Variants in CEP120 observed in about 807,000 individuals in gnomAD.
CEP120 encodes centrosomal protein 120.
A neutral mutation model predicts 126.5 loss-of-function variants in CEP120; 113 were observed. That is an observed-to-expected ratio of 0.89 (90% CI 0.77 to 1.04). The LOEUF is 1.04. CEP120 is among the 50% of genes least tolerant of loss of function. CEP120 has a pLI of 0.00. For missense variants in CEP120, 1,230 were observed against 1,155.7 expected, an observed-to-expected ratio of 1.06 and a Z score of -0.93; for synonymous variants, 400 against 394.3, an observed-to-expected ratio of 1.01 and a Z score of -0.17.
chr5:123,369,159 G>A (rs1403092131), intron 17 of CEP120, among the ~76,000 whole-genome samples: 2 of 151,554 alleles, frequency 1.3e-5, no homozygotes, highest in Admixed American at 6.6e-5. Flanking sequence ...TTTCCTTAAT[G>A]TAAAGATCAA....
intron 7 of CEP120, 35 bp from the exon 8 acceptor site, chr5:123,390,175 A>C (rs1360385380): frequency 6.9e-7 from 1 of 1,453,428 alleles, no homozygotes; most frequent in Non-Finnish European, 9.5e-7. Context: ...ATAATTTGCA[A>C]AGAACTTTCC....
In CEP120 at chr5:123,422,960, G is replaced by A. The variant is rs1774815766; in HGVS notation, c.39C>T (p.Ser13=). 6.2e-7 allele frequency: 1 copy of A among 1,614,020 alleles called. No homozygotes were observed. Among genetic ancestry groups the A allele is most frequent in the East Asian group, 2.2e-5 (1 of 44,898 alleles). Residue 13 remains serine, a synonymous_variant, in exon 1 of 20, where the codon TCC becomes TCT. Coordinates refer to ENST00000306467, the MANE Select transcript of CEP120 (RefSeq NM_001375405.1). ...CCTCAGGCTGCTCACCTTCTAGGATGGACACGACGATGAGCAATTGGTCGG... is the reference window on the plus strand; with the variant it reads ...CCTCAGGCTGCTCACCTTCTAGGATAGACACGACGATGAGCAATTGGTCGG... ...SKSDQLLIVV[S]ILEGRHFPKR...
intron 19 of CEP120, among the ~76,000 whole-genome samples, chr5:123,347,806 G>A (rs899275039): frequency 6.6e-6 from 1 of 151,848 alleles, no homozygotes; most frequent in Non-Finnish European, 1.5e-5. Context: ...CACCACACCC[G>A]GCTAAATTTT....
intron 18 of CEP120, among the ~76,000 whole-genome samples, chr5:123,359,893 G>A (rs1352707032): frequency 2.0e-5 from 3 of 151,922 alleles, no homozygotes; most frequent in African/African-American, 7.2e-5. Flanking sequence ...TTCTGGCAAT[G>A]GGCACCAAGC....
intron 17 of CEP120, among the ~76,000 whole-genome samples, chr5:123,368,375 T>C (rs1339239831): frequency 4.6e-5 from 7 of 152,098 alleles, no homozygotes; most frequent in East Asian, 1.9e-4. Context: ...CAAATATTTC[T>C]GGTAGGCACT....
chr5:123,377,480 A>G lies in CEP120; in HGVS notation c.2252T>C (p.Leu751Pro), dbSNP rs770742339. The G allele has an allele frequency of 6.2e-7, 1 of 1,603,382 alleles. No homozygotes were observed. Residue 751 changes from leucine to proline, a missense_variant, in exon 16 of 20, where the codon CTG becomes CCG. By Grantham distance (98) the Leu-to-Pro change is moderately conservative (BLOSUM62 -3). Coordinates refer to ENST00000306467, the MANE Select transcript of CEP120 (RefSeq NM_001375405.1). ...TTTGGCCCTACGGATAGAGTCCTGC[A>G]GTTCTTGCAGGTTCCGCTGACGTTC... The part of the protein sequence containing the change: ...QSERQRNLQE[L>P]QDSIRRAKED...
At chr5:123,416,218 T>G in intron 2 of CEP120, 94 bp from the exon 3 acceptor site, 1 of 737,878 alleles carries the variant, frequency 1.4e-6, no homozygotes, top group Non-Finnish European at 2.3e-6. Context: ...TACTTATAAT[T>G]TTGTTGGATA....
chr5:123,384,907 G>T (rs1180197692), intron 11 of CEP120, 44 bp downstream of exon 11: 6 of 1,491,998 alleles, frequency 4.0e-6, no homozygotes, highest in South Asian at 1.3e-5. Flanking sequence ...ATCATTCCAT[G>T]AATTGAAAAG....
chr5:123,413,356 T>C (rs990238816), intron 3 of CEP120, among the ~76,000 whole-genome samples: 19 of 151,532 alleles, frequency 1.3e-4, no homozygotes, highest in Admixed American at 1.2e-3. Flanking sequence ...ATTAACAAAA[T>C]ACTAAAGTCA....
intron 4 of CEP120, among the ~76,000 whole-genome samples, chr5:123,400,674 T>G (rs1183615825): frequency 3.5e-5 from 5 of 144,492 alleles, no homozygotes; most frequent in African/African-American, 5.1e-5. Flanking sequence ...TTTTTTTTTT[T>G]GCAGAGCTAG....
intron 5 of CEP120, 95 bp from the exon 6 acceptor site, chr5:123,393,592 GTT>G (rs967765642): frequency 9.5e-7 from 1 of 1,057,456 alleles, no homozygotes; most frequent in African/African-American, 1.6e-5. Context: ...TTGCTAAAAT[GTT>G]TTTTTATTTG....
At position 123,384,983 on chromosome 5, in the gene CEP120, G is replaced by A; in HGVS notation, c.1731C>T (p.Tyr577=). Residue 577 remains tyrosine, a synonymous_variant, in exon 11 of 20, where the codon TAC becomes TAT. Coordinates refer to ENST00000306467, the MANE Select transcript of CEP120 (RefSeq NM_001375405.1). ...SNGEQCWRQT[Y]SESVPVIAAQ... ...CTGCTATAACAGGCACACTTTCACT[G>A]TAAGTTTGACGCCAACACTGTTCAC... The A allele has an allele frequency of 6.2e-7, 1 of 1,612,136 alleles. No homozygotes were observed. Among genetic ancestry groups the A allele is most frequent in the Non-Finnish European group, 8.5e-7 (1 of 1,179,200 alleles).
intron 5 of CEP120, among the ~76,000 whole-genome samples, chr5:123,395,681 C>CTTT (rs369612860): frequency 7.8e-6 from 1 of 127,416 alleles, no homozygotes; most frequent in Non-Finnish European, 1.6e-5. Context: ...TACTTCATTC[C>CTTT]TTTTTTTTTT....
chr5:123,387,494 C>T lies in CEP120; in HGVS notation c.1431-827G>A, dbSNP rs556618254. 2.3e-3 allele frequency among the ~76,000 whole-genome samples: 346 copies of T among 152,170 alleles called. 1 individual carries two copies. Among genetic ancestry groups the T allele is most frequent in the Non-Finnish European group, 2.6e-3 (178 of 67,966 alleles). ...TTTTCAAATACCAGTGTTACCTAAC[C>T]AATTCCATGACACAGCTGCAAACTA... On this transcript the variant is annotated intron_variant, in intron 9 of 19. Coordinates refer to ENST00000306467, the MANE Select transcript of CEP120 (RefSeq NM_001375405.1).
chr5:123,362,460 T>C (rs1770157415), intron 18 of CEP120, among the ~76,000 whole-genome samples: 1 of 151,858 alleles, frequency 6.6e-6, no homozygotes, highest in African/African-American at 2.4e-5. Context: ...GCAACTTAAC[T>C]TCTTTAAGTC....
intron 18 of CEP120, among the ~76,000 whole-genome samples, chr5:123,356,343 T>C (rs991949501): frequency 6.6e-6 from 1 of 152,134 alleles, no homozygotes; most frequent in Admixed American, 6.6e-5. Context: ...TTGATGGCAA[T>C]GGCATTGAAC....
At chr5:123,378,041 G>C (rs985743632) in intron 15 of CEP120, among the ~76,000 whole-genome samples, 9 of 151,976 alleles carry the variant, frequency 5.9e-5, no homozygotes, top group South Asian at 2.1e-4. Flanking sequence ...GAAATATATA[G>C]AGCACAAAGT....
At chr5:123,372,850 C>A (rs1770943064) in intron 16 of CEP120, 78 bp from the exon 17 acceptor site, 2 of 1,189,350 alleles carry the variant, frequency 1.7e-6, no homozygotes, top group Admixed American at 2.9e-5. Context: ...TCAACAAGGT[C>A]TTTTTTTTTA....
Position 123,416,111 on chromosome 5 carries a change from G to A in CEP120, c.220C>T (p.Pro74Ser). The A allele has an allele frequency of 6.2e-7, 1 of 1,608,848 alleles. No homozygotes were observed. The highest frequency in any genetic ancestry group is 8.5e-7 in the Non-Finnish European group (1 of 1,175,262). Residue 74 changes from proline to serine, a missense_variant, in exon 3 of 20, where the codon CCT (proline) becomes TCT (serine). Pro to Ser is a moderately conservative substitution (Grantham distance 74, BLOSUM62 -1). Transcript: ENST00000306467. ...AAGGCAAAACATTGGAGTTTGATAG[G>A]AGTACGCTGTAGCCTATAACAAAAC... ...ALHQHRLQRT[P>S]IKLQCFALDP...
Sources: gnomAD v4.1 joint callset for allele counts (sites outside exome capture counted in the v4.1 genomes callset) on GRCh38, gnomAD v4.1.1 for gene constraint, MANE v1.5 for transcripts, NCBI Gene and HGNC (gene_info 2026-07-23, HGNC 2026-07-21) for gene names.